TMA16: variants seen among roughly 807,000 people sequenced by gnomAD.
TMA16 encodes the protein translation machinery associated 16 homolog, also known as translation machinery-associated protein 16.
Under a neutral mutation model 27.1 loss-of-function variants are expected in TMA16, and 26 were observed. That is an observed-to-expected ratio of 0.96 (90% CI 0.70 to 1.33). The LOEUF (loss-of-function observed/expected upper bound fraction) is 1.33, where lower values mean the gene tolerates loss of function less well. TMA16 is among the 40% of genes most tolerant of loss of function. The probability of loss-of-function intolerance (pLI) is 0.00; values close to 1 mark genes in which losing one functional copy is unlikely to be tolerated. For missense variants in TMA16, 233 were observed against 241.4 expected (o/e 0.97, Z 0.23); for synonymous variants, 71 against 81.9 (o/e 0.87, Z 0.72).
chr4:163,518,182 G>C (rs954595615), intron 6 of TMA16, among the ~76,000 whole-genome samples: 15 of 152,036 alleles, frequency 9.9e-5, no homozygotes, highest in African/African-American at 3.6e-4. Context: ...CCTTGTTTAT[G>C]ACCTTGTGTA....
At chr4:163,505,760 A>G (rs1331179626) in intron 1 of TMA16, among the ~76,000 whole-genome samples, 1 of 152,150 alleles carries the variant, frequency 6.6e-6, no homozygotes, top group East Asian at 1.9e-4. Flanking sequence ...TAAGCAGGGG[A>G]GAGGGACTTT....
At chr4:163,499,567 C>T (rs1009663841) in intron 1 of TMA16, among the ~76,000 whole-genome samples, 4 of 151,976 alleles carry the variant, frequency 2.6e-5, no homozygotes, top group East Asian at 3.9e-4. Flanking sequence ...AGGACACACT[C>T]GAATACCTAA....
intron 1 of TMA16, among the ~76,000 whole-genome samples, chr4:163,498,202 C>G (rs377457159): frequency 6.6e-6 from 1 of 151,950 alleles, no homozygotes; most frequent in Admixed American, 6.6e-5. Context: ...CATTGCAATA[C>G]TGCTGCATTG....
intron 1 of TMA16, among the ~76,000 whole-genome samples, chr4:163,500,588 C>CA (rs1352385740): frequency 1.3e-5 from 2 of 152,264 alleles, no homozygotes; most frequent in African/African-American, 4.8e-5. Context: ...TGGATTGACT[C>CA]AAACAAGACA....
In TMA16 at chr4:163,511,590, C is replaced by T. The variant is rs148323496; in HGVS notation, c.117-1232C>T. On this transcript the variant is annotated intron_variant, in intron 2 of 6. Transcript: ENST00000358572. ...CTTTGGGAGGCCAAGGTGAGAGGACCGCTTGAGGCCAGGAGTTTGAGACGA... is the reference window on the plus strand; with the variant it reads ...CTTTGGGAGGCCAAGGTGAGAGGACTGCTTGAGGCCAGGAGTTTGAGACGA... Among the ~76,000 whole-genome samples the T allele has an allele frequency of 2.6e-3, 391 of 151,386 alleles. 3 individuals are homozygous for T. Among genetic ancestry groups the T allele is most frequent in the African/African-American group, 8.7e-3 (360 of 41,232 alleles).
At chr4:163,507,175 C>T (rs770699917) in intron 2 of TMA16, 30 bp downstream of exon 2, 12 of 1,531,576 alleles carry the variant, frequency 7.8e-6, no homozygotes, top group African/African-American at 2.8e-5. Flanking sequence ...TTGTATTACT[C>T]GTTGGTAAAA....
chr4:163,507,058 C>A lies in TMA16; in HGVS notation c.29C>A (p.Ala10Glu). Residue 10 changes from alanine to glutamate, a missense_variant, in exon 2 of 7, where the codon GCA (alanine) becomes GAA (glutamate). By Grantham distance (107) the Ala-to-Glu change is moderately radical (BLOSUM62 -1). Transcript: ENST00000358572. Reference protein sequence around the residue: MPKAPKGKSAGREKKVIHPY... With the variant: MPKAPKGKSEGREKKVIHPY... ...CCCAAAGCACCAAAGGGAAAAAGTGCAGGACGGGAAAAAAAAGTCATCCAT... is the reference window on the plus strand; with the variant it reads ...CCCAAAGCACCAAAGGGAAAAAGTGAAGGACGGGAAAAAAAAGTCATCCAT... The A allele has an allele frequency of 6.3e-7, 1 of 1,591,992 alleles. No individual in the cohort carries two copies. Among genetic ancestry groups the A allele is most frequent in the Non-Finnish European group, 8.6e-7 (1 of 1,168,498 alleles).
intron 1 of TMA16, among the ~76,000 whole-genome samples, chr4:163,503,791 AT>A (rs891631953): frequency 2.6e-5 from 4 of 152,052 alleles, no homozygotes; most frequent in African/African-American, 9.7e-5. Flanking sequence ...CTGTTGAAAC[AT>A]TTTTTTCCAA....
chr4:163,506,882 T>C, intron 1 of TMA16, 151 bp from the exon 2 acceptor site: 1 of 604,260 alleles, frequency 1.7e-6, no homozygotes, highest in Non-Finnish European at 2.9e-6. Context: ...TTAATGATCC[T>C]GGCTTATCTC....
intron 5 of TMA16, chr4:163,516,963 G>A (rs1367021069): frequency 6.5e-6 from 1 of 153,880 alleles, no homozygotes; most frequent in East Asian, 1.9e-4. Flanking sequence ...TGTTAAAAAA[G>A]GACAGGGTTT....
At chr4:163,507,844 C>T (rs1237184459) in intron 2 of TMA16, among the ~76,000 whole-genome samples, 1 of 151,862 alleles carries the variant, frequency 6.6e-6, no homozygotes, top group Non-Finnish European at 1.5e-5. Flanking sequence ...ATCGTTTTGA[C>T]TATTTTAGAA....
intron 2 of TMA16, among the ~76,000 whole-genome samples, chr4:163,510,869 TGAA>T (rs925955530): frequency 1.3e-5 from 2 of 152,204 alleles, no homozygotes; most frequent in African/African-American, 4.8e-5. Context: ...ACTTGACCAT[TGAA>T]GAAAATATTG....
Position 163,519,321 on chromosome 4 carries a change from T to G in TMA16, c.432-13T>G, listed in dbSNP as rs878878452. 7.8e-6 allele frequency: 12 copies of G among 1,539,274 alleles called. No individual in the cohort carries two copies. The highest frequency in any genetic ancestry group is 9.6e-6 in the Non-Finnish European group (11 of 1,149,974). ...AACACTCTGCACTCTTTTTTTTTTTTCCTTTTGTCTAGGGAATGGGACTTT... is the reference window on the plus strand; with the variant it reads ...AACACTCTGCACTCTTTTTTTTTTTGCCTTTTGTCTAGGGAATGGGACTTT... On this transcript the variant is annotated splice_polypyrimidine_tract_variant and intron_variant, in intron 6 of 6. Coordinates refer to ENST00000358572, the MANE Select transcript of TMA16 (RefSeq NM_018352.3).
At chr4:163,502,847 G>C (rs147465262) in intron 1 of TMA16, among the ~76,000 whole-genome samples, 1 of 150,580 alleles carries the variant, frequency 6.6e-6, no homozygotes, top group Admixed American at 6.6e-5. Flanking sequence ...CCATCATTTC[G>C]ATCATGTCAC....
rs1026336214 is a variant in TMA16, at chr4:163,503,321, T to A, written c.4-3712T>A. On this transcript the variant is annotated intron_variant, in intron 1 of 6. Coordinates refer to ENST00000358572, the MANE Select transcript of TMA16 (RefSeq NM_018352.3). ...TAGGCATGGGTTTGGTCTTAAACTT[T>A]AAAAAAAAAATGTATTTACGTACAC... Among the ~76,000 whole-genome samples, 28 of 150,404 alleles carry A rather than the reference T, an allele frequency of 1.9e-4. 1 individual carries two copies. The highest frequency in any genetic ancestry group is 5.4e-4 in the African/African-American group (22 of 41,098).
intron 2 of TMA16, 39 bp from the exon 3 acceptor site, chr4:163,512,783 G>T: frequency 6.5e-7 from 1 of 1,530,424 alleles, no homozygotes; most frequent in South Asian, 1.2e-5. Flanking sequence ...AACTTGCTTT[G>T]GAAATTTTCT....
At chr4:163,501,599 T>A (rs190174742) in intron 1 of TMA16, among the ~76,000 whole-genome samples, 2 of 152,326 alleles carry the variant, frequency 1.3e-5, no homozygotes, top group Admixed American at 1.3e-4. Context: ...AGATGTTGTT[T>A]CGTTGCAAAG....
chr4:163,497,915 C>A (rs1240472449), intron 1 of TMA16, among the ~76,000 whole-genome samples: 4 of 152,168 alleles, frequency 2.6e-5, no homozygotes. Flanking sequence ...TGAGAAACAG[C>A]CACTGTTAAC....
In TMA16 at chr4:163,501,687, A is replaced by G. The variant is rs1378450627; in HGVS notation, c.4-5346A>G. On this transcript the variant is annotated intron_variant, in intron 1 of 6. Transcript: ENST00000358572. ...CATTGGATCAAAATCTGTACTTAAC[A>G]GTATTATTTCATATTCTCTCTTTTG... 5.3e-5 allele frequency among the ~76,000 whole-genome samples: 8 copies of G among 152,316 alleles called. No individual in the cohort carries two copies. In the Middle Eastern group the frequency reaches 0.014, roughly 259 times the overall value.
Sources: allele counts gnomAD v4.1 joint callset (sites outside exome capture counted in the v4.1 genomes callset), GRCh38; gene constraint gnomAD v4.1.1; transcripts MANE v1.5; gene names NCBI Gene and HGNC (gene_info 2026-07-23, HGNC 2026-07-21).